Variants in ZSCAN5A observed in about 807,000 individuals in gnomAD.
ZSCAN5A encodes zinc finger and SCAN domain containing 5A, also known as zinc finger and SCAN domain-containing protein 5A.
In ZSCAN5A, 12 loss-of-function variants were observed where a neutral mutation model predicts 23.7. The ratio of observed to expected loss-of-function variants is 0.51; its 90% CI spans 0.32 to 0.82. The LOEUF (loss-of-function observed/expected upper bound fraction) is 0.82. Ranked by LOEUF, ZSCAN5A falls within the 40% of genes least tolerant of loss-of-function variation. The pLI, the probability that ZSCAN5A is intolerant of heterozygous loss-of-function variation, is 0.03. For synonymous variants in ZSCAN5A, 257 were observed against 239.9 expected (o/e 1.07, Z -0.66); for missense variants, 597 against 617.9 (o/e 0.97, Z 0.36).
chr19:56,347,266 G>A (rs2041640064), intron 2 of ZSCAN5A: 1 of 152,262 alleles, frequency 6.6e-6, no homozygotes, highest in South Asian at 2.1e-4. Context: ...AATGGTTACA[G>A]GAAAGCAAAC....
intron 2 of ZSCAN5A, among the ~76,000 whole-genome samples, chr19:56,270,418 CAATA>C (rs980256963): frequency 3.3e-5 from 5 of 151,712 alleles, no homozygotes; most frequent in African/African-American, 9.7e-5. Flanking sequence ...GACCCCGTCT[CAATA>C]AATAAATAAA....
At chr19:56,225,517 A>C (rs2146419152) in intron 2 of ZSCAN5A, 1 of 154,492 alleles carries the variant, frequency 6.5e-6, no homozygotes, top group South Asian at 2.1e-4. Context: ...ACAAGATCCA[A>C]GGCAAAGCCC....
rs1277082812 is a variant in ZSCAN5A at position 56,222,732 on chromosome 19, A to G, written c.598T>C (p.Phe200Leu). 1 of 1,614,052 alleles carries G rather than the reference A, an allele frequency of 6.2e-7. No homozygotes were observed. Among genetic ancestry groups the G allele is most frequent in the Non-Finnish European group, 8.5e-7 (1 of 1,180,052 alleles). The part of the protein sequence containing the change: ...PALSRRQGED[F>L]LLHKSIDVTG... The stretch of plus-strand genomic sequence containing the variant: ...ACGTCAATACTCTTGTGTAGCAGAA[A>G]GTCCTCTCCCTGAAGAGGAAAAACC... Residue 200 changes from phenylalanine (F) to leucine (L), a missense_variant, in exon 5 of 6, where the codon TTT (phenylalanine) becomes CTT (leucine). Coordinates refer to ENST00000683990, the MANE Select transcript of ZSCAN5A (RefSeq NM_001322064.3).
upstream of ZSCAN5A, among the ~76,000 whole-genome samples, chr19:56,317,025 T>C (rs1327925181): frequency 6.6e-6 from 1 of 152,168 alleles, no homozygotes; most frequent in Admixed American, 6.5e-5. Context: ...TTTGTAGAGA[T>C]GGGGTTTTGC....
chr19:56,224,215 A>G (rs4078852), intron 3 of ZSCAN5A: 69,660 of 248,894 alleles, frequency 0.28, 10,257 homozygotes, highest in Admixed American at 0.34. Context: ...TCTGATACCA[A>G]CCACTTTCCC....
chr19:56,323,852 T>A (rs924563140), intron 2 of ZSCAN5A, among the ~76,000 whole-genome samples: 3 of 151,124 alleles, frequency 2.0e-5, no homozygotes, highest in African/African-American at 4.9e-5. Context: ...ACTTTTTTTT[T>A]TATAGATACA....
chr19:56,228,560 AGTTTTAAC>A (rs2034187067), intron 2 of ZSCAN5A, among the ~76,000 whole-genome samples: 1 of 152,172 alleles, frequency 6.6e-6, no homozygotes, highest in Admixed American at 6.6e-5. Flanking sequence ...TAGATTTGCG[AGTTTTAAC>A]CATTTTGGGT....
chr19:56,244,123 T>G (rs12608538), intron 2 of ZSCAN5A: 94,324 of 1,556,780 alleles, frequency 0.061, 9,824 homozygotes, highest in East Asian at 0.42. Flanking sequence ...AGTCTGTGGC[T>G]TCCCCAGAAA....
intron 2 of ZSCAN5A, among the ~76,000 whole-genome samples, chr19:56,238,428 G>C (rs2035163105): frequency 1.3e-5 from 2 of 152,176 alleles, no homozygotes; most frequent in South Asian, 4.1e-4. Flanking sequence ...AGGAATTGGA[G>C]AGCAGCCTGG....
At chr19:56,287,079 T>C (rs945520171) in intron 2 of ZSCAN5A, among the ~76,000 whole-genome samples, 2 of 152,206 alleles carry the variant, frequency 1.3e-5, no homozygotes, top group African/African-American at 2.4e-5. Flanking sequence ...CACCATTCCA[T>C]GGATTCTGGA....
At chr19:56,305,519 T>C (rs948037201) in intron 2 of ZSCAN5A, among the ~76,000 whole-genome samples, 1 of 152,224 alleles carries the variant, frequency 6.6e-6, no homozygotes, top group African/African-American at 2.4e-5. Context: ...CTTTTGACTG[T>C]TGTGAGTCGT....
intron 1 of ZSCAN5A, among the ~76,000 whole-genome samples, chr19:56,364,446 G>A (rs1318643811): frequency 6.6e-6 from 1 of 152,178 alleles, no homozygotes; most frequent in Non-Finnish European, 1.5e-5. Flanking sequence ...ACAATTGAAA[G>A]AACGACAATA....
At chr19:56,267,764 C>T (rs757945764) in intron 2 of ZSCAN5A, among the ~76,000 whole-genome samples, 6 of 152,148 alleles carry the variant, frequency 3.9e-5, no homozygotes, top group Non-Finnish European at 7.3e-5. Flanking sequence ...TATAAAATGA[C>T]GCTAATAACA....
At chr19:56,350,501 T>C (rs1328703833) in intron 2 of ZSCAN5A, among the ~76,000 whole-genome samples, 2 of 152,242 alleles carry the variant, frequency 1.3e-5, no homozygotes, top group African/African-American at 2.4e-5. Context: ...CACCCAATAA[T>C]GTCTTTCTCC....
intron 2 of ZSCAN5A, among the ~76,000 whole-genome samples, chr19:56,233,569 C>A (rs1405794624): frequency 1.3e-5 from 2 of 151,034 alleles, no homozygotes; most frequent in East Asian, 3.9e-4. Context: ...CAACTTGAAG[C>A]AACCTCACCC....
intron 2 of ZSCAN5A, among the ~76,000 whole-genome samples, chr19:56,322,665 C>G (rs922310359): frequency 1.3e-5 from 2 of 152,152 alleles, no homozygotes; most frequent in African/African-American, 4.8e-5. Context: ...AGTCGCCTCT[C>G]AGTATGTCTG....
rs987143106 is a variant in ZSCAN5A, at chr19:56,319,850, A to G, written c.-357-3582T>C. On this transcript the variant is annotated intron_variant, in intron 2 of 6. Transcript: ENST00000587340. ...GTTCTCTTCTGCAGTTTTCATTAGT[A>G]TAAAGAGCCGGCTTCCAGACACCCT... 1.1e-5 allele frequency: 9 copies of G among 789,290 alleles called. No homozygotes were observed. The African/African-American group carries it at 1.2e-4, about 10-fold the overall frequency. The allele number at this position is 789,290 out of a possible 1,614,324, so 48.9% of individuals were successfully genotyped here. A position where few individuals can be genotyped will look rare whatever the true frequency, so the allele number is the denominator to read the frequency against.
At chr19:56,242,169 AC>A (rs2035479748) in intron 2 of ZSCAN5A, among the ~76,000 whole-genome samples, 1 of 151,452 alleles carries the variant, frequency 6.6e-6, no homozygotes, top group Non-Finnish European at 1.5e-5. Flanking sequence ...GGCGCAGAGG[AC>A]CCCTTTCCCC....
intron 4 of ZSCAN5A, among the ~76,000 whole-genome samples, chr19:56,222,997 C>A (rs540714182): frequency 1.4e-3 from 210 of 152,272 alleles, no homozygotes; most frequent in South Asian, 4.8e-3. Flanking sequence ...GTTCTCTGAG[C>A]ATATTTCTCC....
Sources: allele counts gnomAD v4.1 joint callset (sites outside exome capture counted in the v4.1 genomes callset), GRCh38; gene constraint gnomAD v4.1.1; transcripts MANE v1.5; gene names NCBI Gene and HGNC (gene_info 2026-07-23, HGNC 2026-07-21).